AXIN1: variants seen among roughly 807,000 people sequenced by gnomAD.
The protein encoded by AXIN1 is axin-1.
AXIN1 carries 30 observed loss-of-function variants against 76.4 expected under a neutral mutation model. The observed-to-expected ratio is 0.39, with a 90% confidence interval of 0.29 to 0.53. The LOEUF (loss-of-function observed/expected upper bound fraction) is 0.53. AXIN1 is among the 20% of genes least tolerant of loss of function. The probability of loss-of-function intolerance (pLI) is 0.66; values close to 1 mark genes in which losing one functional copy is unlikely to be tolerated. For synonymous variants in AXIN1, 545 were observed against 501.4 expected (o/e 1.09, Z -1.16); for missense variants, 1,140 against 1,198.8 (o/e 0.95, Z 0.72).
intron 2 of AXIN1, among the ~76,000 whole-genome samples, chr16:339,639 G>A (rs1219026107): frequency 6.6e-6 from 1 of 151,792 alleles, no homozygotes; most frequent in Admixed American, 6.6e-5. Flanking sequence ...CCGAGATGGT[G>A]CCACTGCACT....
intron 2 of AXIN1, among the ~76,000 whole-genome samples, chr16:319,894 G>T (rs1054291000): frequency 6.6e-6 from 1 of 152,162 alleles, no homozygotes; most frequent in African/African-American, 2.4e-5. Flanking sequence ...CCGTCGGATC[G>T]GGTTGGTTTA....
At chr16:330,148 C>T (rs1417109803) in intron 2 of AXIN1, among the ~76,000 whole-genome samples, 5 of 151,054 alleles carry the variant, frequency 3.3e-5, no homozygotes, top group Admixed American at 2.6e-4. Context: ...GCAGCCTCAA[C>T]CTCCCGGTCT....
chr16:295,336 C>T (rs1000187661), intron 7 of AXIN1, among the ~76,000 whole-genome samples: 6 of 151,804 alleles, frequency 4.0e-5, no homozygotes, highest in East Asian at 2.0e-4. Flanking sequence ...TCTCGAACTC[C>T]GGACCTCAAG....
chr16:296,948 C>T, intron 7 of AXIN1, 108 bp downstream of exon 7: 7 of 1,366,448 alleles, frequency 5.1e-6, no homozygotes, highest in Non-Finnish European at 6.2e-6. Flanking sequence ...TGTGAGGCGT[C>T]ACAGGCGACA....
Position 297,061 on chromosome 16 carries a change from G to T in AXIN1, c.1950C>A (p.Gly650=). The T allele has an allele frequency of 6.2e-7, 1 of 1,610,996 alleles. No homozygotes were observed. Among genetic ancestry groups the T allele is most frequent in the Non-Finnish European group, 8.5e-7 (1 of 1,179,902 alleles). Residue 650 remains glycine, a synonymous_variant, in exon 7 of 11, where the codon GGC becomes GGA. Coordinates refer to ENST00000262320, the MANE Select transcript of AXIN1 (RefSeq NM_003502.4). ...EKEISRHRRT[G]HGSSGTRKPQ... is the part of the protein sequence containing the mutation. ...GCTGCGTGCGGGGTGCTCACCCGTG[G>T]CCGGTCCTGCGGTGCCTGCTGATCT...
chr16:313,801 C>G (rs1165441968), intron 3 of AXIN1, among the ~76,000 whole-genome samples: 1 of 152,244 alleles, frequency 6.6e-6, no homozygotes, highest in African/African-American at 2.4e-5. Context: ...CTGCGAAGCA[C>G]AGGGGAAGAG....
At chr16:291,158 CAGGACCGGG>C (rs2052546514) in intron 9 of AXIN1, 23 bp downstream of exon 9, 1 of 1,551,580 alleles carries the variant, frequency 6.4e-7, no homozygotes. Flanking sequence ...CTGGGGTGGG[CAGGACCGGG>C]AGGACCCTCA....
rs908588746 is a variant in AXIN1 at position 322,316 on chromosome 16, G to A, written c.879-7633C>T. ...CCAGGGATGGCCCTGCTGGTAGTGC[G>A]GTCTAACGGGAGGCAATAACTCATG... On this transcript the variant is annotated intron_variant, in intron 2 of 10. Transcript: ENST00000262320. Among the ~76,000 whole-genome samples, 8 of 152,192 alleles carry A rather than the reference G, an allele frequency of 5.3e-5. No individual in the cohort carries two copies. In the South Asian group the frequency reaches 6.2e-4, roughly 12 times the overall value.
At chr16:303,126 T>A (rs2052918743) in intron 5 of AXIN1, among the ~76,000 whole-genome samples, 1 of 151,890 alleles carries the variant, frequency 6.6e-6, no homozygotes, top group Non-Finnish European at 1.5e-5. Flanking sequence ...CCTCCCATAG[T>A]GTTGGGGTCA....
intron 3 of AXIN1, 104 bp from the exon 4 acceptor site, chr16:310,173 G>A: frequency 9.9e-7 from 1 of 1,010,994 alleles, no homozygotes; most frequent in Non-Finnish European, 1.5e-6. Flanking sequence ...AGGCAATGAT[G>A]AGGACACCTG....
chr16:318,408 GGAA>G (rs1002803205), intron 2 of AXIN1, among the ~76,000 whole-genome samples: 1 of 152,138 alleles, frequency 6.6e-6, no homozygotes, highest in African/African-American at 2.4e-5. Flanking sequence ...GAAAAGAAAA[GGAA>G]GAAGGGCAGC....
chr16:320,743 A>ATATATATATTTTTTTTT (rs397722732), intron 2 of AXIN1, among the ~76,000 whole-genome samples: 1 of 107,662 alleles, frequency 9.3e-6, no homozygotes, highest in African/African-American at 4.6e-5. Context: ...ATATATATAT[A>ATATATATATTTTTTTTT]TTTTTTTTTT....
chr16:342,064 G>A (rs1035719357), intron 2 of AXIN1, among the ~76,000 whole-genome samples: 3 of 152,250 alleles, frequency 2.0e-5, no homozygotes, highest in African/African-American at 7.2e-5. Context: ...CTGGCTGCGG[G>A]AGCCAGCAGT....
In AXIN1 at chr16:289,607, C is replaced by T. The variant is rs759916744; in HGVS notation, c.2295G>A (p.Glu765=). The T allele has an allele frequency of 6.8e-6, 11 of 1,612,614 alleles. No homozygotes were observed. Among genetic ancestry groups the T allele is most frequent in the East Asian group, 2.2e-5 (1 of 44,896 alleles). The change falls in exon 10 of 11, where the codon GAG becomes GAA. Residue 765 remains glutamate, a splice_region_variant and synonymous_variant. Coordinates refer to ENST00000262320, the MANE Select transcript of AXIN1 (RefSeq NM_003502.4). ...CGCCCACCTTCCTCTGCGATCTTGT[C>T]CTGGGGAAAGAGATGCAGCGGTGGT... is the stretch of plus-strand genomic sequence containing the variant. The part of the protein sequence containing the change: ...AVSDMELSET[E]TRSQRKVGGG...
At position 329,290 on chromosome 16, in the gene AXIN1, A is replaced by G. The variant is rs889887024; in HGVS notation, c.879-14607T>C. Among the ~76,000 whole-genome samples the G allele has an allele frequency of 2.0e-4, 31 of 151,898 alleles. No homozygotes were observed. In the East Asian group the frequency reaches 5.6e-3, roughly 28 times the overall value. ...AGACTGTCAAAAAAAAAAAAAAAAA[A>G]AAAAAGATACTGAAAAACATACAGA... is the stretch of plus-strand genomic sequence containing the variant. On this transcript the variant is annotated intron_variant, in intron 2 of 10. Transcript: ENST00000262320.
chr16:301,892 T>G (rs909866929), intron 5 of AXIN1, among the ~76,000 whole-genome samples: 2 of 152,228 alleles, frequency 1.3e-5, no homozygotes, highest in African/African-American at 2.4e-5. Context: ...CATGTTTGTT[T>G]AAGGGCTGCT....
At chr16:289,119 C>T (rs905159407) in intron 10 of AXIN1, among the ~76,000 whole-genome samples, 10 of 151,296 alleles carry the variant, frequency 6.6e-5, no homozygotes, top group East Asian at 3.9e-4. Context: ...GACAGAGTCT[C>T]GCTCTGTCAC....
rs980822684 is a variant in AXIN1 at position 315,722 on chromosome 16, G to A, written c.879-1039C>T. On this transcript the variant is annotated intron_variant, in intron 2 of 10. Transcript: ENST00000262320. ...GGCGCCTGTAGTCCCAGACTACTTCGGAGGCTGAGGCGGGAGAATAGCGTG... is the reference window on the plus strand; with the variant it reads ...GGCGCCTGTAGTCCCAGACTACTTCAGAGGCTGAGGCGGGAGAATAGCGTG... Among the ~76,000 whole-genome samples the A allele has an allele frequency of 3.9e-5, 6 of 152,040 alleles. No homozygotes were observed. In the East Asian group the frequency reaches 7.7e-4, roughly 19 times the overall value.
intron 4 of AXIN1, among the ~76,000 whole-genome samples, chr16:308,844 T>C (rs2053097321): frequency 6.6e-6 from 1 of 152,258 alleles, no homozygotes; most frequent in Admixed American, 6.5e-5. Context: ...AAGGGTTGGC[T>C]GGCATCTTCT....
Sources: allele counts gnomAD v4.1 joint callset (sites outside exome capture counted in the v4.1 genomes callset), GRCh38; gene constraint gnomAD v4.1.1; transcripts MANE v1.5; gene names NCBI Gene and HGNC (gene_info 2026-07-23, HGNC 2026-07-21).